Variants in SAMD12 observed in about 807,000 individuals in gnomAD.
SAMD12 encodes sterile alpha motif domain-containing protein 12.
SAMD12 carries 9 observed loss-of-function variants against 15.0 expected under a neutral mutation model. The observed-to-expected ratio is 0.60, with a 90% CI of 0.36 to 1.05. The LOEUF is 1.05. SAMD12 is among the 50% of genes least tolerant of loss of function. The probability of loss-of-function intolerance (pLI) is 0.01; values close to 1 mark genes in which losing one functional copy is unlikely to be tolerated. For missense variants in SAMD12, 230 were observed against 234.2 expected, an observed-to-expected ratio of 0.98 and a Z score of 0.12; for synonymous variants, 86 against 90.1, an observed-to-expected ratio of 0.96 and a Z score of 0.25.
At chr8:118,449,213 C>A (rs2130910956) in intron 2 of SAMD12, among the ~76,000 whole-genome samples, 1 of 152,178 alleles carries the variant, frequency 6.6e-6, no homozygotes, top group African/African-American at 2.4e-5. Context: ...CAGGTGCCCA[C>A]AACCATGCTC....
intron 2 of SAMD12, among the ~76,000 whole-genome samples, chr8:118,542,496 G>A (rs1826012393): frequency 6.6e-6 from 1 of 152,102 alleles, no homozygotes; most frequent in Non-Finnish European, 1.5e-5. Context: ...CAGTTTCTAA[G>A]GGAATGTGGT....
intron 4 of SAMD12, among the ~76,000 whole-genome samples, chr8:118,358,359 G>C (rs1022493262): frequency 6.6e-6 from 1 of 152,088 alleles, no homozygotes; most frequent in African/African-American, 2.4e-5. Context: ...CAACTTAGCA[G>C]TATGTAAGTT....
At chr8:118,186,671 T>C (rs1013499763), downstream of SAMD12, among the ~76,000 whole-genome samples, 79 of 152,318 alleles carry the variant, frequency 5.2e-4, no homozygotes, top group African/African-American at 1.7e-3. Flanking sequence ...TTTTCTTCTT[T>C]TCTCACTAAA....
intron 3 of SAMD12, among the ~76,000 whole-genome samples, chr8:118,432,036 C>G (rs192099081): frequency 8.5e-5 from 13 of 152,160 alleles, no homozygotes; most frequent in Admixed American, 7.9e-4. Context: ...TACTGATGAT[C>G]CCCTTGAAGG....
chr8:118,265,464 G>C (rs933321316), intron 4 of SAMD12, among the ~76,000 whole-genome samples: 2 of 152,072 alleles, frequency 1.3e-5, no homozygotes, highest in African/African-American at 4.8e-5. Flanking sequence ...CAGGATGAAT[G>C]GAGGTGAATA....
intron 1 of SAMD12, among the ~76,000 whole-genome samples, chr8:118,584,337 C>T (rs1022755618): frequency 7.2e-5 from 11 of 152,192 alleles, no homozygotes. Context: ...TCTTACAATG[C>T]ATGACCTCCA....
chr8:118,469,755 G>A (rs981199813), intron 2 of SAMD12, among the ~76,000 whole-genome samples: 1 of 148,998 alleles, frequency 6.7e-6, no homozygotes, highest in East Asian at 2.0e-4. Flanking sequence ...TAGAGACAGG[G>A]CTTCGCCATG....
chr8:118,515,145 A>G (rs1825200757), intron 2 of SAMD12, among the ~76,000 whole-genome samples: 1 of 146,790 alleles, frequency 6.8e-6, no homozygotes, highest in African/African-American at 2.5e-5. Context: ...CAGCCTCCCG[A>G]GTAGCTGGGA....
intron 2 of SAMD12, among the ~76,000 whole-genome samples, chr8:118,473,043 G>C (rs1823849783): frequency 6.6e-6 from 1 of 152,142 alleles, no homozygotes; most frequent in African/African-American, 2.4e-5. Context: ...ACTTCCAGTG[G>C]GGTCAACCAA....
chr8:118,310,235 CT>C (rs944166746), intron 4 of SAMD12, among the ~76,000 whole-genome samples: 2 of 152,030 alleles, frequency 1.3e-5, no homozygotes, highest in African/African-American at 2.4e-5. Flanking sequence ...GTTTGGTCTC[CT>C]TTTTTTTCCA....
At chr8:118,389,295 C>A (rs1223683165) in intron 3 of SAMD12, among the ~76,000 whole-genome samples, 4 of 152,196 alleles carry the variant, frequency 2.6e-5, no homozygotes, top group African/African-American at 9.7e-5. Flanking sequence ...ATCAGGGCAA[C>A]CTCCTTATAA....
chr8:118,272,576 A>T (rs1009241868), intron 4 of SAMD12, among the ~76,000 whole-genome samples: 1 of 152,302 alleles, frequency 6.6e-6, no homozygotes, highest in South Asian at 2.1e-4. Flanking sequence ...TTGCATCGTC[A>T]TGCTGCAAAA....
intron 1 of SAMD12, among the ~76,000 whole-genome samples, chr8:118,617,062 A>G (rs900445287): frequency 6.6e-6 from 1 of 152,244 alleles, no homozygotes; most frequent in East Asian, 1.9e-4. Context: ...AGGCATCCCT[A>G]TGACGGGTAA....
intron 3 of SAMD12, among the ~76,000 whole-genome samples, chr8:118,402,826 T>G (rs1322088671): frequency 6.6e-6 from 1 of 152,218 alleles, no homozygotes; most frequent in African/African-American, 2.4e-5. Flanking sequence ...TTCTACTATA[T>G]GACCTCTGAT....
intron 2 of SAMD12, among the ~76,000 whole-genome samples, chr8:118,455,359 C>T (rs1823216116): frequency 6.6e-6 from 1 of 151,908 alleles, no homozygotes. Flanking sequence ...GATTGAATAT[C>T]TATATTTAAA....
At chr8:118,379,779 C>A (rs1819580463) in intron 3 of SAMD12, 79 bp from the exon 4 acceptor site, 1 of 1,527,344 alleles carries the variant, frequency 6.5e-7, no homozygotes, top group Admixed American at 2.1e-5. Flanking sequence ...TCTTGACTAA[C>A]CCTGCCATCA....
chr8:118,228,361 G>C (rs746348747), intron 4 of SAMD12, among the ~76,000 whole-genome samples: 1 of 152,158 alleles, frequency 6.6e-6, no homozygotes, highest in Non-Finnish European at 1.5e-5. Flanking sequence ...CAGAGTAGGA[G>C]AAGATCTTCA....
chr8:118,308,546 C>T (rs1815459880), intron 4 of SAMD12, among the ~76,000 whole-genome samples: 1 of 152,228 alleles, frequency 6.6e-6, no homozygotes, highest in Admixed American at 6.5e-5. Context: ...GCAATACTCA[C>T]TCCTTCTACC....
Position 118,402,183 on chromosome 8 carries a change from C to T in SAMD12, c.323-22483G>A, listed in dbSNP as rs79851054. 2.8e-3 allele frequency among the ~76,000 whole-genome samples: 420 copies of T among 152,152 alleles called. 2 individuals are homozygous for T. Among genetic ancestry groups the T allele is most frequent in the African/African-American group, 9.6e-3 (397 of 41,490 alleles). ...AGGAAATAATTTGGTATTACAAAATCATTGAAATTAGAGATAGAAAAGGCT... is the reference window on the plus strand; with the variant it reads ...AGGAAATAATTTGGTATTACAAAATTATTGAAATTAGAGATAGAAAAGGCT... On this transcript the variant is annotated intron_variant, in intron 3 of 3. Coordinates refer to ENST00000314727, the MANE Select transcript of SAMD12 (RefSeq NM_207506.3).
Sources: gnomAD v4.1 joint callset for allele counts (sites outside exome capture counted in the v4.1 genomes callset) on GRCh38, gnomAD v4.1.1 for gene constraint, MANE v1.5 for transcripts, NCBI Gene and HGNC (gene_info 2026-07-23, HGNC 2026-07-21) for gene names.